FAM43B: variants seen among roughly 807,000 people sequenced by gnomAD.
The protein encoded by FAM43B is family with sequence similarity 43 member B, also known as protein FAM43B.
Under a neutral mutation model 20.1 loss-of-function variants are expected in FAM43B, and 17 were observed. The observed-to-expected ratio is 0.84, with a 90% confidence interval of 0.58 to 1.27. FAM43B has a LOEUF of 1.27. FAM43B is among the 50% of genes most tolerant of loss of function. The pLI, the probability that FAM43B is intolerant of heterozygous loss-of-function variation, is 0.00. For synonymous variants in FAM43B, 208 were observed against 238.5 expected (o/e 0.87, Z 1.18); for missense variants, 512 against 516.7 (o/e 0.99, Z 0.09).
Position 20,553,626 on chromosome 1 carries a change from G to T in FAM43B, c.653G>T (p.Arg218Leu), listed in dbSNP as rs2052157268. The T allele has an allele frequency of 8.6e-6, 11 of 1,280,952 alleles. No individual in the cohort carries two copies. Among genetic ancestry groups the T allele is most frequent in the Non-Finnish European group, 9.8e-6 (10 of 1,021,310 alleles). The allele number at this position is 1,280,952 out of a possible 1,614,324, so 79.3% of individuals were successfully genotyped here. A position where few individuals can be genotyped will look rare whatever the true frequency, so the allele number is the denominator to read the frequency against. ...CGCCAGAGCGACGCGCGCCACGTGC[G>T]CCAGCAGCATCTCCGCGCTGGGGGC... The part of the protein sequence containing the change: ...LQRQSDARHV[R>L]QQHLRAGGAA... The change falls in exon 1 of 1, where the codon CGC (arginine) becomes CTC (leucine). Residue 218 changes from arginine (R) to leucine (L), a missense_variant. Coordinates refer to ENST00000332947, the MANE Select transcript of FAM43B (RefSeq NM_207334.3). This position sits in a 1 kb window ranked among gnomAD's most constrained non-coding sequence, Gnocchi z 6.5.
chr1:20,553,820 C>A lies in FAM43B; in HGVS notation c.847C>A (p.Pro283Thr). ...CGCGGAGGAGCAAGAGGGAGGAGTC[C>A]CCCAGCGCGAGCGGCCGGAGGTGCT... Reference protein sequence around the residue: ...DDAEEQEGGVPQRERPEVLSL... With the variant: ...DDAEEQEGGVTQRERPEVLSL... The change falls in exon 1 of 1, where the codon CCC becomes ACC. Residue 283 changes from proline (P) to threonine (T), a missense_variant. Pro to Thr is a conservative substitution (Grantham distance 38). Transcript: ENST00000332947. This position sits in a 1 kb window ranked among gnomAD's most constrained non-coding sequence, Gnocchi z 6.5. 1.4e-6 allele frequency: 2 copies of A among 1,464,966 alleles called. No individual in the cohort carries two copies. The highest frequency in any genetic ancestry group is 9.1e-7 in the Non-Finnish European group (1 of 1,102,686). 90.7% of individuals were successfully genotyped at this position (1,464,966 alleles called of 1,614,324 possible).
At position 20,552,955 on chromosome 1, in the gene FAM43B, C is replaced by G. The variant is rs1307460643; in HGVS notation, c.-19C>G. The G allele has an allele frequency of 3.1e-6, 5 of 1,611,592 alleles. No homozygotes were observed. In the African/African-American group the frequency reaches 6.7e-5, roughly 22 times the overall value. Reference sequence around the variant, plus strand: ...CCGGTGAGCTCCCTGCGCCCCCAGCCCCTTTCGCCGCCGCCGCGATGCTGC... The same window carrying G: ...CCGGTGAGCTCCCTGCGCCCCCAGCGCCTTTCGCCGCCGCCGCGATGCTGC... On this transcript the variant is annotated 5_prime_UTR_variant, in exon 1 of 1. Transcript: ENST00000332947.
chr1:20,553,051 G>A lies in FAM43B; in HGVS notation c.78G>A (p.Gly26=), dbSNP rs747370968. 5.0e-6 allele frequency: 8 copies of A among 1,613,432 alleles called. No homozygotes were observed. Among genetic ancestry groups the A allele is most frequent in the South Asian group, 1.1e-5 (1 of 91,070 alleles). ...AKCKAKSLSP[G]LAYTSLLSSF... ...GCAAGGCGAAGAGCCTGAGTCCGGG[G>A]CTCGCCTACACGTCGCTGCTCTCCA... The change falls in exon 1 of 1, where the codon GGG becomes GGA. Residue 26 remains glycine (G), a synonymous_variant. Coordinates refer to ENST00000332947, the MANE Select transcript of FAM43B (RefSeq NM_207334.3). This position sits in a 1 kb window ranked among gnomAD's most constrained non-coding sequence, Gnocchi z 6.5.
Position 20,553,520 on chromosome 1 carries a change from C to T in FAM43B, c.547C>T (p.Arg183Trp). ...VLRCHAVLLA[R>W]AHKARALARL... ...GCGCTGCCACGCTGTGCTGCTGGCG[C>T]GGGCGCACAAGGCGCGCGCCCTGGC... The change falls in exon 1 of 1, where the codon CGG becomes TGG. Residue 183 changes from arginine to tryptophan, a missense_variant. By Grantham distance (101) the Arg-to-Trp change is moderately radical. Transcript: ENST00000332947. The surrounding 1 kb of genome is among the most constrained non-coding windows in gnomAD (Gnocchi z 6.5). The T allele has an allele frequency of 1.5e-6, 2 of 1,340,820 alleles. No homozygotes were observed. Among genetic ancestry groups the T allele is most frequent in the Non-Finnish European group, 1.9e-6 (2 of 1,052,618 alleles). 83.1% of individuals were successfully genotyped at this position (1,340,820 alleles called of 1,614,324 possible). A position where few individuals can be genotyped will look rare whatever the true frequency, so the allele number is the denominator to read the frequency against.
chr1:20,553,987 C>T lies in FAM43B; in HGVS notation c.*24C>T, dbSNP rs761112816. On this transcript the variant is annotated 3_prime_UTR_variant, in exon 1 of 1. Transcript: ENST00000332947. The surrounding 1 kb of genome is among the most constrained non-coding windows in gnomAD (Gnocchi z 6.5). ...GAGAGCCGAAGGACAGGACTCGCAGCCCCAGGCCCGACCCGCCAGACTCAC... is the reference window on the plus strand; with the variant it reads ...GAGAGCCGAAGGACAGGACTCGCAGTCCCAGGCCCGACCCGCCAGACTCAC... 1.2e-4 allele frequency: 142 copies of T among 1,210,384 alleles called. 2 individuals carry two copies. The highest frequency in any genetic ancestry group is 2.7e-4 in the Admixed American group (6 of 22,512). The allele number at this position is 1,210,384 out of a possible 1,614,324, so 75.0% of individuals were successfully genotyped here.
At position 20,552,763 on chromosome 1, in the gene FAM43B, C is replaced by A; in HGVS notation, c.-211C>A. 1.6e-6 allele frequency: 1 copy of A among 631,588 alleles called. No individual in the cohort carries two copies. Among genetic ancestry groups the A allele is most frequent in the East Asian group, 2.8e-5 (1 of 35,128 alleles). The allele number at this position is 631,588 out of a possible 1,614,324, so 39.1% of individuals were successfully genotyped here. A position where few individuals can be genotyped will look rare whatever the true frequency, so the allele number is the denominator to read the frequency against. ...GGTCCTCAGCCACTCGGCCGCCGTC[C>A]GCACCTCGGCTGCTGGCCCGGCTGG... On this transcript the variant is annotated 5_prime_UTR_variant, in exon 1 of 1. Transcript: ENST00000332947.
In FAM43B at chr1:20,553,525, G is replaced by C. The variant is rs1250225596; in HGVS notation, c.552G>C (p.Ala184=). 14 of 1,333,458 alleles carry C rather than the reference G, an allele frequency of 1.0e-5. No homozygotes were observed. The South Asian group carries it at 2.8e-4, about 27-fold the overall frequency. 82.6% of individuals were successfully genotyped at this position (1,333,458 alleles called of 1,614,324 possible). The change falls in exon 1 of 1, where the codon GCG becomes GCC. Residue 184 remains alanine (A), a synonymous_variant. Coordinates refer to ENST00000332947, the MANE Select transcript of FAM43B (RefSeq NM_207334.3). The surrounding 1 kb of genome is among the most constrained non-coding windows in gnomAD (Gnocchi z 6.5). ...LRCHAVLLAR[A]HKARALARLL... is the part of the protein sequence containing the mutation. ...GCCACGCTGTGCTGCTGGCGCGGGC[G>C]CACAAGGCGCGCGCCCTGGCCCGCC...
rs757530288 is a variant in FAM43B at position 20,553,120 on chromosome 1, G to A, written c.147G>A (p.Leu49=). The change falls in exon 1 of 1, where the codon CTG becomes CTA. Residue 49 remains leucine (L), a synonymous_variant. Coordinates refer to ENST00000332947, the MANE Select transcript of FAM43B (RefSeq NM_207334.3). The surrounding 1 kb of genome is among the most constrained non-coding windows in gnomAD (Gnocchi z 6.5). The part of the protein sequence containing the change: ...SCPDLLPDWP[L]ERLGRVFRSR... The stretch of plus-strand genomic sequence containing the variant: ...CGGACCTGCTGCCCGACTGGCCGCT[G>A]GAGCGCTTGGGCCGTGTGTTCCGCA... The A allele has an allele frequency of 6.8e-6, 11 of 1,613,376 alleles. No homozygotes were observed. In the African/African-American group the frequency reaches 1.5e-4, roughly 22 times the overall value.
At position 20,553,214 on chromosome 1, in the gene FAM43B, G is replaced by A. The variant is rs1333526827; in HGVS notation, c.241G>A (p.Val81Ile). The A allele has an allele frequency of 8.1e-6, 13 of 1,613,528 alleles. No homozygotes were observed. The highest frequency in any genetic ancestry group is 1.1e-5 in the Non-Finnish European group (13 of 1,179,836). The change falls in exon 1 of 1, where the codon GTC (valine) becomes ATC (isoleucine). Residue 81 changes from valine (V) to isoleucine (I), a missense_variant. By Grantham distance (29) the Val-to-Ile change is conservative. Coordinates refer to ENST00000332947, the MANE Select transcript of FAM43B (RefSeq NM_207334.3). The surrounding 1 kb of genome is among the most constrained non-coding windows in gnomAD (Gnocchi z 6.5). Reference sequence around the variant, plus strand: ...CACCGTGTGGTACCTGGGCAACGCCGTCACCCTGCACGCCAAGGGCGACGG... The same window carrying A: ...CACCGTGTGGTACCTGGGCAACGCCATCACCCTGCACGCCAAGGGCGACGG... Reference protein sequence around the residue: ...TYTVWYLGNAVTLHAKGDGCT... With the variant: ...TYTVWYLGNAITLHAKGDGCT...
At position 20,552,997 on chromosome 1, in the gene FAM43B, A is replaced by G. The variant is rs2052147607; in HGVS notation, c.24A>G (p.Lys8=). The G allele has an allele frequency of 6.2e-7, 1 of 1,613,406 alleles. No homozygotes were observed. The highest frequency in any genetic ancestry group is 1.1e-5 in the South Asian group (1 of 91,062). ...CGATGCTGCCCTGGAGACGTAACAA[A>G]TTCGTGCTGGTGGAGGACGAGGCCA... MLPWRRN[K]FVLVEDEAKC... is the part of the protein sequence containing the mutation. Residue 8 remains lysine, a synonymous_variant, in exon 1 of 1, where the codon AAA becomes AAG. Coordinates refer to ENST00000332947, the MANE Select transcript of FAM43B (RefSeq NM_207334.3).
Position 20,552,789 on chromosome 1 carries a change from G to T in FAM43B, c.-185G>T, listed in dbSNP as rs896711738. 3.5e-5 allele frequency: 25 copies of T among 720,630 alleles called. No homozygotes were observed. The South Asian group carries it at 4.3e-4, about 13-fold the overall frequency. 44.6% of individuals were successfully genotyped at this position (720,630 alleles called of 1,614,324 possible). ...GCACCTCGGCTGCTGGCCCGGCTGG[G>T]CACCGGGCATCTGCGAAGCTAGCCC... On this transcript the variant is annotated 5_prime_UTR_variant, in exon 1 of 1. Coordinates refer to ENST00000332947, the MANE Select transcript of FAM43B (RefSeq NM_207334.3).
At position 20,552,983 on chromosome 1, in the gene FAM43B, T is replaced by G. The variant is rs199631977; in HGVS notation, c.10T>G (p.Trp4Gly). The change falls in exon 1 of 1, where the codon TGG becomes GGG. Residue 4 changes from tryptophan (W) to glycine (G), a missense_variant. Physicochemically the swap from Trp to Gly is radical, Grantham distance 184. Transcript: ENST00000332947. MLP[W>G]RRNKFVLVED... ...TTTCGCCGCCGCCGCGATGCTGCCCTGGAGACGTAACAAATTCGTGCTGGT... is the reference window on the plus strand; with the variant it reads ...TTTCGCCGCCGCCGCGATGCTGCCCGGGAGACGTAACAAATTCGTGCTGGT... The G allele has an allele frequency of 1.8e-5, 29 of 1,613,240 alleles. No individual in the cohort carries two copies. The East Asian group carries it at 6.2e-4, about 35-fold the overall frequency.
chr1:20,552,917 TC>T lies in FAM43B; in HGVS notation c.-54del. The T allele has an allele frequency of 6.3e-7, 1 of 1,587,200 alleles. No homozygotes were observed. The highest frequency in any genetic ancestry group is 8.6e-7 in the Non-Finnish European group (1 of 1,168,158). On this transcript the variant is annotated 5_prime_UTR_variant, in exon 1 of 1. Coordinates refer to ENST00000332947, the MANE Select transcript of FAM43B (RefSeq NM_207334.3). ...TCTGCGCGCCTTCCCTCCCCCGGTC[TC>T]CCGACAGGACGCCGGTGAGCTCCCT...
chr1:20,553,818 T>G lies in FAM43B; in HGVS notation c.845T>G (p.Val282Gly). ...GACGCGGAGGAGCAAGAGGGAGGAG[T>G]CCCCCAGCGCGAGCGGCCGGAGGTG... ...EDDAEEQEGGVPQRERPEVLS... is the reference protein window; with the variant it reads ...EDDAEEQEGGGPQRERPEVLS... Residue 282 changes from valine to glycine, a missense_variant, in exon 1 of 1, where the codon GTC (valine) becomes GGC (glycine). Val to Gly is a moderately radical substitution (Grantham distance 109). Transcript: ENST00000332947. The surrounding 1 kb of genome is among the most constrained non-coding windows in gnomAD (Gnocchi z 6.5). 1 of 1,458,482 alleles carries G rather than the reference T, an allele frequency of 6.9e-7. No homozygotes were observed. The highest frequency in any genetic ancestry group is 9.1e-7 in the Non-Finnish European group (1 of 1,099,794). The allele number at this position is 1,458,482 out of a possible 1,614,324, so 90.3% of individuals were successfully genotyped here. A position where few individuals can be genotyped will look rare whatever the true frequency, so the allele number is the denominator to read the frequency against.
Position 20,553,866 on chromosome 1 carries a change from G to T in FAM43B, c.893G>T (p.Arg298Met). The T allele has an allele frequency of 7.2e-7, 1 of 1,395,362 alleles. No individual in the cohort carries two copies. 86.4% of individuals were successfully genotyped at this position (1,395,362 alleles called of 1,614,324 possible). The change falls in exon 1 of 1, where the codon AGG (arginine) becomes ATG (methionine). Residue 298 changes from arginine to methionine, a missense_variant. By Grantham distance (91) the Arg-to-Met change is moderately conservative. Transcript: ENST00000332947. This position sits in a 1 kb window ranked among gnomAD's most constrained non-coding sequence, Gnocchi z 6.5. ...GTGCTCAGCCTGGCCCGGGAGCTGA[G>T]GACGTGCAGCCTGCGGGGCGCCCCG... ...PEVLSLAREL[R>M]TCSLRGAPAP... is the part of the protein sequence containing the mutation.
At position 20,553,417 on chromosome 1, in the gene FAM43B, C is replaced by CG; in HGVS notation, c.444_445insG (p.Cys149ValfsTer237). 1 of 1,447,576 alleles carries CG rather than the reference C, an allele frequency of 6.9e-7. No individual in the cohort carries two copies. Among genetic ancestry groups the CG allele is most frequent in the Non-Finnish European group, 9.0e-7 (1 of 1,112,870 alleles). The allele number at this position is 1,447,576 out of a possible 1,614,324, so 89.7% of individuals were successfully genotyped here. A position where few individuals can be genotyped will look rare whatever the true frequency, so the allele number is the denominator to read the frequency against. The stretch of plus-strand genomic sequence containing the variant: ...CCTACCTGCTGCCGCGCATCACCTA[C>CG]TGCACGGCGGACGGGCGCCACCCGC... On this transcript the variant is annotated frameshift_variant, in exon 1 of 1. Transcript: ENST00000332947. LOFTEE classifies it high-confidence loss of function. This position sits in a 1 kb window ranked among gnomAD's most constrained non-coding sequence, Gnocchi z 6.5.
rs757258379 is a variant in FAM43B at position 20,553,033 on chromosome 1, G to A, written c.60G>A (p.Ala20=). 7 of 1,613,614 alleles carry A rather than the reference G, an allele frequency of 4.3e-6. No individual in the cohort carries two copies. The South Asian group carries it at 7.7e-5, about 18-fold the overall frequency. ...VLVEDEAKCK[A]KSLSPGLAYT... ...TGGAGGACGAGGCCAAGTGCAAGGC[G>A]AAGAGCCTGAGTCCGGGGCTCGCCT... The change falls in exon 1 of 1, where the codon GCG becomes GCA. Residue 20 remains alanine, a synonymous_variant. Transcript: ENST00000332947. This position sits in a 1 kb window ranked among gnomAD's most constrained non-coding sequence, Gnocchi z 6.5.
chr1:20,552,912 C>A lies in FAM43B; in HGVS notation c.-62C>A. 6.4e-7 allele frequency: 1 copy of A among 1,574,648 alleles called. No individual in the cohort carries two copies. The highest frequency in any genetic ancestry group is 8.6e-7 in the Non-Finnish European group (1 of 1,161,454). On this transcript the variant is annotated 5_prime_UTR_variant, in exon 1 of 1. Coordinates refer to ENST00000332947, the MANE Select transcript of FAM43B (RefSeq NM_207334.3). ...GGACTTCTGCGCGCCTTCCCTCCCC[C>A]GGTCTCCCGACAGGACGCCGGTGAG...
Position 20,553,369 on chromosome 1 carries a change from G to T in FAM43B, c.396G>T (p.Ser132=), listed in dbSNP as rs2052153530. The change falls in exon 1 of 1, where the codon TCG becomes TCT. Residue 132 remains serine, a synonymous_variant. Transcript: ENST00000332947. This position sits in a 1 kb window ranked among gnomAD's most constrained non-coding sequence, Gnocchi z 6.5. Reference sequence around the variant, plus strand: ...GCGAGCGCAGCGCCGCCGGGGGTTCGGGGGGCCGCAGGCCGGCGCACGCCT... The same window carrying T: ...GCGAGCGCAGCGCCGCCGGGGGTTCTGGGGGCCGCAGGCCGGCGCACGCCT... ...QPCERSAAGG[S]GGRRPAHAYL... 6.8e-7 allele frequency: 1 copy of T among 1,479,970 alleles called. No homozygotes were observed. The highest frequency in any genetic ancestry group is 8.9e-7 in the Non-Finnish European group (1 of 1,123,808). 91.7% of individuals were successfully genotyped at this position (1,479,970 alleles called of 1,614,324 possible).
Sources: allele counts gnomAD v4.1 joint callset, GRCh38; gene constraint gnomAD v4.1.1; non-coding constraint Gnocchi (gnomAD v3.1); transcripts MANE v1.5; gene names NCBI Gene and HGNC (gene_info 2026-07-23, HGNC 2026-07-21).